The following DOCK1 variants were observed in gnomAD, a reference collection of about 807,000 sequenced individuals.
The protein encoded by DOCK1 is dedicator of cytokinesis protein 1.
In DOCK1, 138 loss-of-function variants were observed where a neutral mutation model predicts 262.7. The observed-to-expected ratio is 0.53, with a 90% CI of 0.46 to 0.61. The LOEUF (loss-of-function observed/expected upper bound fraction) is 0.61. Ranked by LOEUF, DOCK1 falls within the 20% of genes least tolerant of loss-of-function variation. The probability of loss-of-function intolerance (pLI) is 0.00; values close to 1 mark genes in which losing one functional copy is unlikely to be tolerated. For synonymous variants in DOCK1, 866 were observed against 867.4 expected, an observed-to-expected ratio of 1.00 and a Z score of 0.03; for missense variants, 1,908 against 2,370.7, an observed-to-expected ratio of 0.80 and a Z score of 4.05.
chr10:126,951,995 G>A (rs2036292568), intron 1 of DOCK1, among the ~76,000 whole-genome samples: 1 of 151,842 alleles, frequency 6.6e-6, no homozygotes, highest in Non-Finnish European at 1.5e-5. Flanking sequence ...GACTACAGAT[G>A]TGTACCACCA....
At chr10:127,448,034 C>G (rs935493345) in intron 51 of DOCK1, among the ~76,000 whole-genome samples, 1 of 152,190 alleles carries the variant, frequency 6.6e-6, no homozygotes, top group Non-Finnish European at 1.5e-5. Context: ...TCACCTGGTG[C>G]TGGGAGCTCC....
chr10:127,061,504 T>C (rs1443985684), intron 22 of DOCK1, among the ~76,000 whole-genome samples, 164 bp from the exon 23 acceptor site: 1 of 152,278 alleles, frequency 6.6e-6, no homozygotes, highest in African/African-American at 2.4e-5. Flanking sequence ...GTGGTCTGCA[T>C]GAGTCTCACT....
rs1477814571 is a variant in DOCK1, at chr10:127,404,305, A to G, written c.4018-20A>G. On this transcript the variant is annotated intron_variant, in intron 39 of 51. Transcript: ENST00000623213. Reference sequence around the variant, plus strand: ...GCTTGAATACTCAAACCTGAAATGCATTTTCTTTTTTCCTTCCAGAAAAAA... The same window carrying G: ...GCTTGAATACTCAAACCTGAAATGCGTTTTCTTTTTTCCTTCCAGAAAAAA... 1 of 1,605,358 alleles carries G rather than the reference A, an allele frequency of 6.2e-7. No homozygotes were observed. Among genetic ancestry groups the G allele is most frequent in the Admixed American group, 1.7e-5 (1 of 59,090 alleles).
chr10:127,387,808 G>A (rs1355689623), intron 38 of DOCK1, among the ~76,000 whole-genome samples: 1 of 151,688 alleles, frequency 6.6e-6, no homozygotes. Flanking sequence ...AAATGCTCAT[G>A]TATGGCAGGA....
chr10:126,949,306 G>C (rs1247786299), intron 1 of DOCK1, among the ~76,000 whole-genome samples: 1 of 152,112 alleles, frequency 6.6e-6, no homozygotes, highest in Non-Finnish European at 1.5e-5. Context: ...GCTGTCTAGT[G>C]CCTCTGGGGA....
At chr10:127,078,743 A>G (rs569897612) in intron 23 of DOCK1, among the ~76,000 whole-genome samples, 7 of 152,314 alleles carry the variant, frequency 4.6e-5, no homozygotes, top group Non-Finnish European at 4.4e-5. Flanking sequence ...ATGGAGTACT[A>G]CTTAGCCATA....
chr10:127,197,609 G>T (rs2057265628), intron 27 of DOCK1, among the ~76,000 whole-genome samples: 1 of 152,146 alleles, frequency 6.6e-6, no homozygotes, highest in African/African-American at 2.4e-5. Context: ...CCAGGGAAGG[G>T]ACAGGCTTCG....
chr10:127,171,850 C>T (rs2054602107), intron 27 of DOCK1, among the ~76,000 whole-genome samples: 2 of 152,068 alleles, frequency 1.3e-5, no homozygotes, highest in African/African-American at 4.8e-5. Context: ...ATTACAGGTG[C>T]CCGCCACCAC....
At chr10:127,056,567 C>T (rs896035569) in intron 22 of DOCK1, among the ~76,000 whole-genome samples, 2 of 152,140 alleles carry the variant, frequency 1.3e-5, no homozygotes, top group Non-Finnish European at 2.9e-5. Flanking sequence ...CTAGCTTCTT[C>T]CTTCTCTCCT....
chr10:127,236,562 T>A (rs1255907802), intron 27 of DOCK1, among the ~76,000 whole-genome samples: 1 of 150,290 alleles, frequency 6.7e-6, no homozygotes. Context: ...CCAGTTTGTT[T>A]TATTTGTCTG....
At chr10:127,026,500 G>C (rs978494529) in intron 16 of DOCK1, 76 bp downstream of exon 16, 4 of 1,361,434 alleles carry the variant, frequency 2.9e-6, no homozygotes, top group Non-Finnish European at 4.1e-6. Flanking sequence ...GCCACTCTCA[G>C]TTGTTCTGGA....
chr10:127,248,105 T>C lies in DOCK1; in HGVS notation c.2945T>C (p.Val982Ala). 2 of 1,613,584 alleles carry C rather than the reference T, an allele frequency of 1.2e-6. No individual in the cohort carries two copies. The highest frequency in any genetic ancestry group is 1.7e-6 in the Non-Finnish European group (2 of 1,179,588). ...IKTFGKMRTD[V>A]VDFLMETFIM... Reference sequence around the variant, plus strand: ...ACTTTTGGGAAAATGAGGACTGATGTGGTAGTAAGTGTCCCTTTCACCCTG... The same window carrying C: ...ACTTTTGGGAAAATGAGGACTGATGCGGTAGTAAGTGTCCCTTTCACCCTG... The change falls in exon 28 of 52, where the codon GTG becomes GCG. Residue 982 changes from valine to alanine, a missense_variant. Val to Ala is a moderately conservative substitution (Grantham distance 64). Coordinates refer to ENST00000623213, the MANE Select transcript of DOCK1 (RefSeq NM_001290223.2).
At chr10:127,118,094 G>T (rs565099886) in intron 25 of DOCK1, among the ~76,000 whole-genome samples, 1 of 152,060 alleles carries the variant, frequency 6.6e-6, no homozygotes, top group South Asian at 2.1e-4. Context: ...ATGTTTTTTT[G>T]CTACCTTTAT....
chr10:126,999,544 C>CTGTA (rs1193787156), intron 9 of DOCK1, 109 bp downstream of exon 9: 1 of 853,656 alleles, frequency 1.2e-6, no homozygotes, highest in Non-Finnish European at 1.9e-6. Flanking sequence ...CCTGGGATGC[C>CTGTA]TGTATACAGG....
intron 1 of DOCK1, among the ~76,000 whole-genome samples, chr10:126,950,886 G>A (rs2036156278): frequency 6.6e-6 from 1 of 152,110 alleles, no homozygotes; most frequent in African/African-American, 2.4e-5. Flanking sequence ...TAGCGGTGGT[G>A]CTGGTGATGT....
intron 27 of DOCK1, chr10:127,153,833 G>A (rs1328993474): frequency 1.3e-6 from 2 of 1,574,694 alleles, no homozygotes; most frequent in Non-Finnish European, 1.7e-6. Flanking sequence ...AAAGTGGGAA[G>A]AGGAGAATGT....
intron 40 of DOCK1, among the ~76,000 whole-genome samples, chr10:127,408,680 C>A (rs1404836780): frequency 1.3e-5 from 2 of 152,210 alleles, no homozygotes; most frequent in African/African-American, 4.8e-5. Flanking sequence ...GTCCTGGCTG[C>A]CTTGCCCCCT....
At chr10:127,395,656 G>A (rs922846842) in intron 38 of DOCK1, among the ~76,000 whole-genome samples, 1 of 152,148 alleles carries the variant, frequency 6.6e-6, no homozygotes, top group Non-Finnish European at 1.5e-5. Flanking sequence ...CAACATGGTG[G>A]CAGCAGACTT....
In DOCK1 at chr10:127,032,386, C is replaced by T. The variant is rs906360482; in HGVS notation, c.1912+66C>T. The T allele has an allele frequency of 4.2e-6, 6 of 1,443,932 alleles. No individual in the cohort carries two copies. In the African/African-American group the frequency reaches 5.8e-5, roughly 14 times the overall value. 89.4% of individuals were successfully genotyped at this position (1,443,932 alleles called of 1,614,324 possible). On this transcript the variant is annotated intron_variant, in intron 18 of 51. Transcript: ENST00000623213. ...GCCCCAGTCCTGTCTTTTCCATGCTCCTTCCTATGTGGAGGTGTGCTCCGT... is the reference window on the plus strand; with the variant it reads ...GCCCCAGTCCTGTCTTTTCCATGCTTCTTCCTATGTGGAGGTGTGCTCCGT...
Sources: allele counts gnomAD v4.1 joint callset (sites outside exome capture counted in the v4.1 genomes callset), GRCh38; gene constraint gnomAD v4.1.1; transcripts MANE v1.5; gene names NCBI Gene and HGNC (gene_info 2026-07-23, HGNC 2026-07-21).